Variants in PDZRN3 observed in about 807,000 individuals in gnomAD.
PDZRN3 encodes the protein E3 ubiquitin-protein ligase PDZRN3.
In PDZRN3, 38 loss-of-function variants were observed where a neutral mutation model predicts 85.7. The observed-to-expected ratio is 0.44, with a 90% CI of 0.34 to 0.58. The LOEUF is 0.58. PDZRN3 is among the 20% of genes least tolerant of loss of function. The pLI, the probability that PDZRN3 is intolerant of heterozygous loss-of-function variation, is 0.01. For synonymous variants in PDZRN3, 759 were observed against 638.0 expected (o/e 1.19, Z -2.86); for missense variants, 1,629 against 1,506.4 (o/e 1.08, Z -1.35).
At chr3:73,393,071 T>A (rs955129448) in intron 5 of PDZRN3, among the ~76,000 whole-genome samples, 8 of 152,126 alleles carry the variant, frequency 5.3e-5, no homozygotes, top group Admixed American at 3.3e-4. Flanking sequence ...TCCTCAAGGT[T>A]AGTGTGAATC....
intron 3 of PDZRN3, among the ~76,000 whole-genome samples, chr3:73,590,445 T>C (rs1702341597): frequency 6.6e-6 from 1 of 152,210 alleles, no homozygotes; most frequent in Non-Finnish European, 1.5e-5. Flanking sequence ...GCCCTTCCTC[T>C]GGTTAGGTCT....
chr3:73,384,996 C>T (rs926402727), intron 9 of PDZRN3, 66 bp from the exon 10 acceptor site: 12 of 1,522,192 alleles, frequency 7.9e-6, no homozygotes, highest in Non-Finnish European at 1.1e-5. Flanking sequence ...TCAGGTTTGA[C>T]CTTTCCTTGC....
chr3:73,610,512 T>C lies in PDZRN3; in HGVS notation c.724-1828A>G, dbSNP rs574685376. Among the ~76,000 whole-genome samples the C allele has an allele frequency of 2.9e-4, 44 of 152,348 alleles. 1 individual carries two copies. Among genetic ancestry groups the C allele is most frequent in the African/African-American group, 9.9e-4 (41 of 41,590 alleles). ...TAGTTTTGAGATATAAACATGATTT[T>C]CAAATTGAAACAGTTTATGTCTTTC... is the stretch of plus-strand genomic sequence containing the variant. On this transcript the variant is annotated intron_variant, in intron 1 of 9. Transcript: ENST00000263666.
intron 3 of PDZRN3, among the ~76,000 whole-genome samples, chr3:73,577,228 T>C (rs773139048): frequency 1.1e-4 from 17 of 152,280 alleles, no homozygotes; most frequent in Non-Finnish European, 1.9e-4. Flanking sequence ...GAAAGCTTGA[T>C]AAACCCAAGG....
intron 3 of PDZRN3, among the ~76,000 whole-genome samples, chr3:73,519,139 A>G (rs113634559): frequency 0.014 from 2,124 of 152,308 alleles, 54 homozygotes; most frequent in African/African-American, 0.048. Flanking sequence ...CCCACTGGCC[A>G]CACCCACCTG....
In PDZRN3 at chr3:73,384,515, T is replaced by A; in HGVS notation, c.2051A>T (p.Glu684Val). The A allele has an allele frequency of 2.5e-6, 4 of 1,613,744 alleles. No individual in the cohort carries two copies. Among genetic ancestry groups the A allele is most frequent in the Non-Finnish European group, 3.4e-6 (4 of 1,180,040 alleles). The change falls in exon 10 of 10, where the codon GAG becomes GTG. Residue 684 changes from glutamate (E) to valine (V), a missense_variant. Glu to Val is a moderately radical substitution (Grantham distance 121). Transcript: ENST00000263666. ...CAGCTCTTCGTTCAGCAGCTCCAGC[T>A]CCTTGTCCACGCTCTCAGGGTCACT... Reference protein sequence around the residue: ...GKSDPESVDKELELLNEELRS... With the variant: ...GKSDPESVDKVLELLNEELRS...
intron 3 of PDZRN3, among the ~76,000 whole-genome samples, chr3:73,504,784 A>C (rs938724292): frequency 1.3e-5 from 2 of 152,248 alleles, no homozygotes; most frequent in Non-Finnish European, 2.9e-5. Context: ...ATAAGTCACT[A>C]GCTTGTATAT....
Position 73,385,658 on chromosome 3 carries a change from G to C in PDZRN3, c.1635+11C>G. On this transcript the variant is annotated intron_variant, in intron 9 of 9. Coordinates refer to ENST00000263666, the MANE Select transcript of PDZRN3 (RefSeq NM_015009.3). ...AGGGCAGAGTGTCAGGGACTGGTGC[G>C]TGGGCGTTACCTGCTGCAGCACGCT... 2 of 1,522,678 alleles carry C rather than the reference G, an allele frequency of 1.3e-6. No homozygotes were observed. The highest frequency in any genetic ancestry group is 2.3e-5 in the East Asian group (1 of 44,422). 94.3% of individuals were successfully genotyped at this position (1,522,678 alleles called of 1,614,324 possible).
At chr3:73,480,180 T>A (rs1703534659) in intron 3 of PDZRN3, among the ~76,000 whole-genome samples, 1 of 152,182 alleles carries the variant, frequency 6.6e-6, no homozygotes, top group South Asian at 2.1e-4. Context: ...ATGCCCTGAT[T>A]CTAAAACCAC....
At chr3:73,450,312 C>A (rs1400566324) in intron 3 of PDZRN3, among the ~76,000 whole-genome samples, 2 of 152,136 alleles carry the variant, frequency 1.3e-5, no homozygotes, top group Non-Finnish European at 2.9e-5. Flanking sequence ...ATTCTCAAGC[C>A]CTTGTTAAAC....
chr3:73,436,276 G>C (rs535237120), intron 3 of PDZRN3, among the ~76,000 whole-genome samples: 1 of 152,320 alleles, frequency 6.6e-6, no homozygotes, highest in South Asian at 2.1e-4. Flanking sequence ...CCTGAGGACA[G>C]GGACTGGGTC....
At chr3:73,501,656 T>C (rs534177774) in intron 3 of PDZRN3, among the ~76,000 whole-genome samples, 1 of 152,320 alleles carries the variant, frequency 6.6e-6, no homozygotes, top group South Asian at 2.1e-4. Flanking sequence ...CTCGTTAAAC[T>C]TGGCTCTCTA....
intron 3 of PDZRN3, among the ~76,000 whole-genome samples, chr3:73,500,637 A>G (rs1703959009): frequency 6.6e-6 from 1 of 152,100 alleles, no homozygotes; most frequent in South Asian, 2.1e-4. Flanking sequence ...ATTAAGGGTA[A>G]AGCTCCTCAT....
intron 3 of PDZRN3, among the ~76,000 whole-genome samples, chr3:73,592,540 C>T (rs1484415688): frequency 1.3e-5 from 2 of 152,036 alleles, no homozygotes; most frequent in African/African-American, 2.4e-5. Context: ...GTGCCACTCT[C>T]AGGAGAAAAG....
At position 73,547,645 on chromosome 3, in the gene PDZRN3, C is replaced by T. The variant is rs181323570; in HGVS notation, c.918+54709G>A. On this transcript the variant is annotated intron_variant, in intron 3 of 9. Coordinates refer to ENST00000263666, the MANE Select transcript of PDZRN3 (RefSeq NM_015009.3). ...TAACTACATAGAGTCAAGTGGCTGCCTCCAAGAGATGCTGTGAGCCCAAAC... is the reference window on the plus strand; with the variant it reads ...TAACTACATAGAGTCAAGTGGCTGCTTCCAAGAGATGCTGTGAGCCCAAAC... Among the ~76,000 whole-genome samples the T allele has an allele frequency of 4.2e-4, 64 of 152,338 alleles. 1 individual carries two copies. The highest frequency in any genetic ancestry group is 1.4e-3 in the African/African-American group (60 of 41,572).
chr3:73,584,228 G>T (rs1702241180), intron 3 of PDZRN3, among the ~76,000 whole-genome samples: 1 of 152,112 alleles, frequency 6.6e-6, no homozygotes, highest in Non-Finnish European at 1.5e-5. Flanking sequence ...CTTGTTACAG[G>T]AGCATCTTTC....
intron 3 of PDZRN3, among the ~76,000 whole-genome samples, chr3:73,539,510 A>T (rs1192288509): frequency 6.6e-6 from 1 of 152,130 alleles, no homozygotes; most frequent in Non-Finnish European, 1.5e-5. Flanking sequence ...GTGAGACTTC[A>T]AAGACCAGAC....
Position 73,385,732 on chromosome 3 carries a change from G to A in PDZRN3, c.1572C>T (p.His524=), listed in dbSNP as rs766416105. ...GGTGCTGCTCCTCCAGCATGTCCAT[G>A]TGCAGGTCATCCAGAAAGTCGTTCC... ...DDRNDFLDDL[H]MDMLEEQHHQ... The change falls in exon 9 of 10, where the codon CAC becomes CAT. Residue 524 remains histidine, a synonymous_variant. Coordinates refer to ENST00000263666, the MANE Select transcript of PDZRN3 (RefSeq NM_015009.3). 2.5e-6 allele frequency: 4 copies of A among 1,613,878 alleles called. No individual in the cohort carries two copies. The highest frequency in any genetic ancestry group is 3.4e-6 in the Non-Finnish European group (4 of 1,179,882).
chr3:73,474,177 C>T (rs933172111), intron 3 of PDZRN3, among the ~76,000 whole-genome samples: 9 of 152,146 alleles, frequency 5.9e-5, no homozygotes, highest in Admixed American at 4.6e-4. Context: ...CCCACTGCCA[C>T]GTTGATAGGC....
Sources: gnomAD v4.1 joint callset for allele counts (sites outside exome capture counted in the v4.1 genomes callset) on GRCh38, gnomAD v4.1.1 for gene constraint, MANE v1.5 for transcripts, NCBI Gene and HGNC (gene_info 2026-07-23, HGNC 2026-07-21) for gene names.